The following OXR1 variants were observed in gnomAD, a reference collection of about 807,000 sequenced individuals.
OXR1 encodes oxidation resistance 1.
A neutral mutation model predicts 104.6 loss-of-function variants in OXR1; 41 were observed. That is an observed-to-expected ratio of 0.39 (90% CI 0.31 to 0.51). The LOEUF (loss-of-function observed/expected upper bound fraction) is 0.51, where lower values mean the gene tolerates loss of function less well. OXR1 is among the 20% of genes least tolerant of loss of function. The pLI is 0.77. For missense variants in OXR1, 955 were observed against 1,031.9 expected (o/e 0.93, Z 1.02); for synonymous variants, 348 against 348.4 (o/e 1.00, Z 0.01).
At position 106,441,225 on chromosome 8, in the gene OXR1, A is replaced by G. The variant is rs970789465; in HGVS notation, c.24-77718A>G. Among the ~76,000 whole-genome samples the G allele has an allele frequency of 3.9e-5, 6 of 152,010 alleles. No individual in the cohort carries two copies. In the South Asian group the frequency reaches 8.3e-4, roughly 21 times the overall value. On this transcript the variant is annotated intron_variant, in intron 2 of 16. Transcript: ENST00000517566. ...GGTTTGTCGAAGATCAGATGGTTGT[A>G]GATGTATGGTATTATTATTTCTGAG...
At chr8:106,704,393 C>CTTCTTTT (rs1830917410) in intron 8 of OXR1, among the ~76,000 whole-genome samples, 2 of 47,886 alleles carry the variant, frequency 4.2e-5, no homozygotes, top group African/African-American at 2.0e-4. Context: ...CTTTCTTCTT[C>CTTCTTTT]TTTTTTTTTT....
intron 1 of OXR1, among the ~76,000 whole-genome samples, chr8:106,298,443 A>G (rs1290999758): frequency 6.6e-6 from 1 of 152,156 alleles, no homozygotes; most frequent in Non-Finnish European, 1.5e-5. Context: ...CCCATGATTC[A>G]GTTACCTCCC....
chr8:106,620,217 T>C (rs1821586501), intron 3 of OXR1, among the ~76,000 whole-genome samples: 1 of 152,212 alleles, frequency 6.6e-6, no homozygotes, highest in Middle Eastern at 3.2e-3. Context: ...ACTAGTACTA[T>C]ATTTCTTTGA....
chr8:106,519,496 T>C (rs1813103450), intron 3 of OXR1, among the ~76,000 whole-genome samples: 1 of 152,262 alleles, frequency 6.6e-6, no homozygotes, highest in African/African-American at 2.4e-5. Context: ...AGCACCTTTC[T>C]TGTTTTTTGT....
chr8:106,638,118 T>C (rs1026007686), intron 3 of OXR1, among the ~76,000 whole-genome samples: 1 of 152,266 alleles, frequency 6.6e-6, no homozygotes, highest in African/African-American at 2.4e-5. Context: ...ATATCCATAG[T>C]TAGTCCCTCC....
rs769763595 is a variant in OXR1 at position 106,750,944 on chromosome 8, A to G, written c.*3A>G. On this transcript the variant is annotated 3_prime_UTR_variant, in exon 17 of 17. Transcript: ENST00000517566. ...TTGAAATCTGGGCTTTTGAATAAAT[A>G]AAATGCTCTCTGTCTTAGCAGGAGA... 3 of 1,598,524 alleles carry G rather than the reference A, an allele frequency of 1.9e-6. No individual in the cohort carries two copies. The highest frequency in any genetic ancestry group is 2.6e-6 in the Non-Finnish European group (3 of 1,175,064).
intron 2 of OXR1, among the ~76,000 whole-genome samples, chr8:106,485,683 T>TC (rs1810602582): frequency 6.6e-6 from 1 of 152,044 alleles, no homozygotes; most frequent in African/African-American, 2.4e-5. Context: ...ATATTTAATA[T>TC]GGCACTATTT....
chr8:106,432,264 A>G (rs535812239), intron 2 of OXR1, among the ~76,000 whole-genome samples: 1 of 152,246 alleles, frequency 6.6e-6, no homozygotes, highest in South Asian at 2.1e-4. Context: ...TGATCCTTCA[A>G]AAACAAACAT....
At chr8:106,336,258 G>A (rs1033457814) in intron 1 of OXR1, among the ~76,000 whole-genome samples, 2 of 152,172 alleles carry the variant, frequency 1.3e-5, no homozygotes, top group South Asian at 4.1e-4. Flanking sequence ...TGCAGAACAG[G>A]AGTAGCCATT....
chr8:106,404,227 G>A (rs1193504141), intron 2 of OXR1, among the ~76,000 whole-genome samples: 1 of 152,096 alleles, frequency 6.6e-6, no homozygotes, highest in East Asian at 1.9e-4. Context: ...GGCCACTTCT[G>A]CTGCATGGAG....
chr8:106,335,025 G>GAC (rs10650045), intron 1 of OXR1, among the ~76,000 whole-genome samples: 17 of 150,846 alleles, frequency 1.1e-4, no homozygotes, highest in South Asian at 4.2e-4. Flanking sequence ...CACATACATT[G>GAC]ACACACACAC....
chr8:106,485,781 A>G (rs1810610275), intron 2 of OXR1, among the ~76,000 whole-genome samples: 1 of 152,142 alleles, frequency 6.6e-6, no homozygotes, highest in African/African-American at 2.4e-5. Context: ...CAGCCTTTAA[A>G]AAGAAGGAAA....
chr8:106,581,849 C>A (rs571735166), intron 3 of OXR1, among the ~76,000 whole-genome samples: 90 of 151,668 alleles, frequency 5.9e-4, no homozygotes, highest in African/African-American at 1.7e-3. Flanking sequence ...CATGGAGAAA[C>A]CCTGTCTCTA....
intron 2 of OXR1, among the ~76,000 whole-genome samples, chr8:106,437,863 C>T (rs1819641236): frequency 6.6e-6 from 1 of 152,086 alleles, no homozygotes; most frequent in Non-Finnish European, 1.5e-5. Flanking sequence ...ATGCCTCCTC[C>T]TAGGAATTTG....
chr8:106,747,557 T>G (rs781282029), intron 16 of OXR1, among the ~76,000 whole-genome samples: 2 of 152,212 alleles, frequency 1.3e-5, no homozygotes, highest in Non-Finnish European at 2.9e-5. Context: ...GTCGTATGAA[T>G]CATCTTTGAA....
chr8:106,283,852 C>A (rs1031542524), intron 1 of OXR1, among the ~76,000 whole-genome samples: 2 of 152,038 alleles, frequency 1.3e-5, no homozygotes, highest in African/African-American at 4.8e-5. Flanking sequence ...TTAGGAATTT[C>A]CTGAAGTTAC....
At chr8:106,730,853 C>T (rs1833821727) in intron 11 of OXR1, among the ~76,000 whole-genome samples, 1 of 151,072 alleles carries the variant, frequency 6.6e-6, no homozygotes, top group Non-Finnish European at 1.5e-5. Flanking sequence ...TTGCGATCAG[C>T]CAGGGCAACA....
At position 106,310,671 on chromosome 8, in the gene OXR1, T is replaced by C. The variant is rs1277368368; in HGVS notation, c.-139+40304T>C. On this transcript the variant is annotated intron_variant, in intron 1 of 16. Coordinates refer to ENST00000517566, the MANE Select transcript of OXR1 (RefSeq NM_001198533.2). ...TTCTAATCTCACATTTGATTGATAG[T>C]ATAATAGGTACAGGAATATAGGTTA... Among the ~76,000 whole-genome samples the C allele has an allele frequency of 2.0e-5, 3 of 152,230 alleles. No individual in the cohort carries two copies. In the East Asian group the frequency reaches 5.8e-4, roughly 29 times the overall value.
intron 1 of OXR1, among the ~76,000 whole-genome samples, chr8:106,340,536 C>T (rs1458206441): frequency 6.6e-6 from 1 of 152,152 alleles, no homozygotes; most frequent in Admixed American, 6.5e-5. Context: ...AACCCACTAG[C>T]CCCTTACATA....
Sources: allele counts gnomAD v4.1 joint callset (sites outside exome capture counted in the v4.1 genomes callset), GRCh38; gene constraint gnomAD v4.1.1; transcripts MANE v1.5; gene names NCBI Gene and HGNC (gene_info 2026-07-23, HGNC 2026-07-21).